Variants in RGS8 observed in about 807,000 individuals in gnomAD.
RGS8 encodes the protein regulator of G protein signaling 8.
In RGS8, 8 loss-of-function variants were observed where a neutral mutation model predicts 21.7. That is an observed-to-expected ratio of 0.37 (90% CI 0.22 to 0.66). The LOEUF (loss-of-function observed/expected upper bound fraction) is 0.66, where lower values mean the gene tolerates loss of function less well. RGS8 is among the 30% of genes least tolerant of loss of function. RGS8 has a pLI of 0.59. For synonymous variants in RGS8, 80 were observed against 83.6 expected, an observed-to-expected ratio of 0.96 and a Z score of 0.24; for missense variants, 157 against 217.9, an observed-to-expected ratio of 0.72 and a Z score of 1.76.
the RGS8 span, among the ~76,000 whole-genome samples, chr1:182,705,051 T>G: frequency 2.0e-5 from 3 of 152,332 alleles, no homozygotes; most frequent in Admixed American, 2.0e-4. Flanking sequence ...TGTATATTCT[T>G]ACTCTGTATC....
chr1:182,746,151 T>C, the RGS8 span, among the ~76,000 whole-genome samples: 1 of 152,162 alleles, frequency 6.6e-6, no homozygotes, highest in Non-Finnish European at 1.5e-5. Context: ...AACTTGGTTT[T>C]CAGACCCCCT....
At chr1:182,680,890 C>T (rs1294959886) in intron 1 of RGS8, among the ~76,000 whole-genome samples, 3 of 152,194 alleles carry the variant, frequency 2.0e-5, no homozygotes, top group Non-Finnish European at 4.4e-5. Context: ...AGTGTGGAGT[C>T]ACAGAGTGGC....
the RGS8 span, among the ~76,000 whole-genome samples, chr1:182,715,496 G>A: frequency 1.3e-5 from 2 of 152,254 alleles, no homozygotes; most frequent in East Asian, 1.9e-4. Flanking sequence ...TATCAGTATT[G>A]CTTTAGATTA....
chr1:182,668,803 G>A (rs1345832562), intron 3 of RGS8, among the ~76,000 whole-genome samples: 2 of 152,218 alleles, frequency 1.3e-5, no homozygotes, highest in Non-Finnish European at 2.9e-5. Context: ...CAAATCGCAG[G>A]GTGTCTGACA....
At chr1:182,687,774 G>A (rs1217835762), upstream of RGS8, among the ~76,000 whole-genome samples, 1 of 152,190 alleles carries the variant, frequency 6.6e-6, no homozygotes, top group East Asian at 1.9e-4. Context: ...AAGAAGTTTG[G>A]CTGAGAAGGA....
At chr1:182,673,428 C>T (rs944142291), upstream of RGS8, among the ~76,000 whole-genome samples, 1 of 152,008 alleles carries the variant, frequency 6.6e-6, no homozygotes, top group African/African-American at 2.4e-5. Context: ...AGTCTTATGA[C>T]TCTAACAGCA....
At chr1:182,706,401 T>C in the RGS8 span, among the ~76,000 whole-genome samples, 13 of 152,166 alleles carry the variant, frequency 8.5e-5, no homozygotes, top group African/African-American at 2.7e-4. Flanking sequence ...GACCAGGAAA[T>C]TAACCACCTA....
chr1:182,643,336 C>CCCCCG (rs1453175422), downstream of RGS8: 4 of 136,166 alleles, frequency 2.9e-5, no homozygotes, highest in African/African-American at 1.2e-4. Flanking sequence ...CCCCCGCCCC[C>CCCCCG]GCGCTGTGTT....
the RGS8 span, among the ~76,000 whole-genome samples, chr1:182,728,359 C>A: frequency 1.3e-5 from 2 of 152,124 alleles, no homozygotes; most frequent in African/African-American, 2.4e-5. Context: ...CATAAGAAGA[C>A]AAGATATTTA....
At chr1:182,705,304 C>G in the RGS8 span, among the ~76,000 whole-genome samples, 1 of 152,146 alleles carries the variant, frequency 6.6e-6, no homozygotes, top group Non-Finnish European at 1.5e-5. Flanking sequence ...TGCCTCAGCT[C>G]AAGCAGACAG....
At chr1:182,702,739 T>G in the RGS8 span, among the ~76,000 whole-genome samples, 1 of 152,208 alleles carries the variant, frequency 6.6e-6, no homozygotes, top group South Asian at 2.1e-4. Flanking sequence ...ATCTAACCCC[T>G]AAGTGATAAT....
At chr1:182,662,023 G>T (rs1663616483) in intron 5 of RGS8, among the ~76,000 whole-genome samples, 1 of 152,150 alleles carries the variant, frequency 6.6e-6, no homozygotes, top group African/African-American at 2.4e-5. Flanking sequence ...TTTTAAGAGT[G>T]CTTAGCTAGT....
the RGS8 span, among the ~76,000 whole-genome samples, chr1:182,691,806 A>C: frequency 1.1e-4 from 17 of 152,058 alleles, no homozygotes; most frequent in Non-Finnish European, 1.8e-4. Flanking sequence ...ATAGTACTAG[A>C]AGTCCTAGCC....
intron 5 of RGS8, among the ~76,000 whole-genome samples, chr1:182,651,915 G>C (rs1202561852): frequency 1.3e-5 from 2 of 152,218 alleles, no homozygotes; most frequent in Non-Finnish European, 2.9e-5. Context: ...TTAGCAAGGG[G>C]GGGACTCTGA....
At chr1:182,700,902 A>G in the RGS8 span, among the ~76,000 whole-genome samples, 1 of 152,256 alleles carries the variant, frequency 6.6e-6, no homozygotes, top group African/African-American at 2.4e-5. Flanking sequence ...CATGTGTAAC[A>G]TAGCAGAACT....
At chr1:182,661,297 T>A (rs776215048) in intron 5 of RGS8, among the ~76,000 whole-genome samples, 5 of 151,978 alleles carry the variant, frequency 3.3e-5, no homozygotes, top group Non-Finnish European at 5.9e-5. Context: ...CTGGGCCTGG[T>A]GGGATAGGTC....
chr1:182,697,073 T>G, the RGS8 span, among the ~76,000 whole-genome samples: 1 of 152,216 alleles, frequency 6.6e-6, no homozygotes, highest in African/African-American at 2.4e-5. Context: ...CAGGTTTGGA[T>G]CTACTGCAAC....
the RGS8 span, among the ~76,000 whole-genome samples, chr1:182,740,065 G>T: frequency 1.3e-5 from 2 of 152,258 alleles, no homozygotes; most frequent in East Asian, 3.9e-4. Context: ...ATGGAATTGT[G>T]TACTTGGGGA....
At chr1:182,665,875 A>T in intron 5 of RGS8, 94 bp downstream of exon 6, 1 of 1,069,768 alleles carries the variant, frequency 9.3e-7, no homozygotes, top group Non-Finnish European at 1.4e-6. Flanking sequence ...TGGAACACCT[A>T]GTACATACCT....
Sources: gnomAD v4.1 joint callset for allele counts (sites outside exome capture counted in the v4.1 genomes callset) on GRCh38, gnomAD v4.1.1 for gene constraint, MANE v1.5 for transcripts, NCBI Gene and HGNC (gene_info 2026-07-23, HGNC 2026-07-21) for gene names.